ZDBF2: variants seen among roughly 807,000 people sequenced by gnomAD.
ZDBF2 encodes the protein zinc finger DBF-type containing 2, also known as DBF4-type zinc finger-containing protein 2.
In ZDBF2, 6 loss-of-function variants were observed where a neutral mutation model predicts 9.4. That is an observed-to-expected ratio of 0.64 (90% CI 0.35 to 1.27). ZDBF2 has a LOEUF of 1.27. Ranked by LOEUF, ZDBF2 falls within the 50% of genes most tolerant of loss-of-function variation. The pLI, the probability that ZDBF2 is intolerant of heterozygous loss-of-function variation, is 0.03. For synonymous variants in ZDBF2, 905 were observed against 946.3 expected (o/e 0.96, Z 0.80); for missense variants, 2,697 against 2,766.8 (o/e 0.97, Z 0.57).
chr2:206,282,842 C>G (rs537676414), intron 3 of ZDBF2, among the ~76,000 whole-genome samples: 1 of 152,130 alleles, frequency 6.6e-6, no homozygotes, highest in Non-Finnish European at 1.5e-5. Flanking sequence ...AAAAGGAAAC[C>G]CTGTACGCAC....
chr2:206,286,019 T>C (rs1691581938), intron 3 of ZDBF2, among the ~76,000 whole-genome samples: 1 of 152,234 alleles, frequency 6.6e-6, no homozygotes, highest in African/African-American at 2.4e-5. Flanking sequence ...TTTTCAGAAG[T>C]TCCTCTTGTT....
intron 1 of ZDBF2, among the ~76,000 whole-genome samples, chr2:206,276,870 C>T (rs1246530139): frequency 3.9e-5 from 6 of 152,142 alleles, no homozygotes; most frequent in African/African-American, 9.7e-5. Context: ...TAGGATAATG[C>T]TTGTCACCAG....
chr2:206,310,505 C>T lies in ZDBF2; in HGVS notation c.5977C>T (p.Pro1993Ser), dbSNP rs777833817. The T allele has an allele frequency of 6.2e-7, 1 of 1,613,436 alleles. No individual in the cohort carries two copies. The highest frequency in any genetic ancestry group is 1.7e-5 in the Admixed American group (1 of 59,880). Residue 1993 changes from proline to serine, a missense_variant, in exon 5 of 5, where the codon CCT (proline) becomes TCT (serine). Physicochemically the swap from Pro to Ser is moderately conservative, Grantham distance 74. Around this residue, in one of 3 missense-constraint regions of ZDBF2, gnomAD observed 1,783 missense variants for 1,776.5 expected, o/e 1.00. Coordinates refer to ENST00000374423, the MANE Select transcript of ZDBF2 (RefSeq NM_020923.3). The part of the protein sequence containing the change: ...KKVKIGTVEF[P>S]ASCTKVLKPM... ...AGTCAAAATTGGGACAGTTGAATTT[C>T]CTGCATCATGTACTAAAGTTTTGAA... is the stretch of plus-strand genomic sequence containing the variant.
chr2:206,296,212 T>A (rs1692169800), intron 3 of ZDBF2, among the ~76,000 whole-genome samples: 1 of 152,176 alleles, frequency 6.6e-6, no homozygotes, highest in Admixed American at 6.5e-5. Context: ...AAATATTAAA[T>A]GGAAAATTCC....
Position 206,305,308 on chromosome 2 carries a change from A to G in ZDBF2, c.780A>G (p.Lys260=), listed in dbSNP as rs1692719468. 1 of 1,612,478 alleles carries G rather than the reference A, an allele frequency of 6.2e-7. No individual in the cohort carries two copies. Among genetic ancestry groups the G allele is most frequent in the Non-Finnish European group, 8.5e-7 (1 of 1,179,270 alleles). ...SYQKHKESNR[K]SLRMNSDKLV... Reference sequence around the variant, plus strand: ...AGAAACATAAAGAATCAAATAGGAAATCTTTACGCATGAATTCAGATAAGT... The same window carrying G: ...AGAAACATAAAGAATCAAATAGGAAGTCTTTACGCATGAATTCAGATAAGT... The change falls in exon 5 of 5, where the codon AAA becomes AAG. Residue 260 remains lysine, a synonymous_variant. Coordinates refer to ENST00000374423, the MANE Select transcript of ZDBF2 (RefSeq NM_020923.3).
At position 206,308,005 on chromosome 2, in the gene ZDBF2, A is replaced by T. The variant is rs758741775; in HGVS notation, c.3477A>T (p.Glu1159Asp). The T allele has an allele frequency of 4.3e-6, 7 of 1,613,870 alleles. No homozygotes were observed. The South Asian group carries it at 7.7e-5, about 18-fold the overall frequency. The change falls in exon 5 of 5, where the codon GAA (glutamate) becomes GAT (aspartate). Residue 1159 changes from glutamate (E) to aspartate (D), a missense_variant. Transcript: ENST00000374423. ...EVKNSQYSCSEMNLDSGFLGQ... is the reference protein window; with the variant it reads ...EVKNSQYSCSDMNLDSGFLGQ... ...AGAACAGCCAATATAGTTGTTCAGA[A>T]ATGAATTTGGATTCTGGTTTCTTGG... is the stretch of plus-strand genomic sequence containing the variant.
intron 4 of ZDBF2, among the ~76,000 whole-genome samples, chr2:206,298,216 A>T (rs1024345582): frequency 6.6e-5 from 10 of 152,226 alleles, no homozygotes; most frequent in Non-Finnish European, 1.3e-4. Flanking sequence ...TTAAGAGTTA[A>T]TGCCCTATGT....
At chr2:206,275,418 C>T (rs907856999) in intron 1 of ZDBF2, among the ~76,000 whole-genome samples, 6 of 152,056 alleles carry the variant, frequency 3.9e-5, no homozygotes, top group African/African-American at 1.2e-4. Context: ...CTAGGCCTTT[C>T]CCAGCCTCGG....
intron 1 of ZDBF2, among the ~76,000 whole-genome samples, chr2:206,277,031 G>C (rs1029688850): frequency 2.0e-5 from 3 of 152,212 alleles, no homozygotes; most frequent in Non-Finnish European, 4.4e-5. Flanking sequence ...CCTACTGCTG[G>C]ACGGAAAATT....
In ZDBF2 at chr2:206,307,970, T is replaced by G; in HGVS notation, c.3442T>G (p.Leu1148Val). ...CCTTGGGAATGAAAACCATATGTAC[T>G]TGGAAGTTAAGAACAGCCAATATAG... ...VNLGNENHMYLEVKNSQYSCS... is the reference protein window; with the variant it reads ...VNLGNENHMYVEVKNSQYSCS... Residue 1148 changes from leucine (L) to valine (V), a missense_variant, in exon 5 of 5, where the codon TTG becomes GTG. Coordinates refer to ENST00000374423, the MANE Select transcript of ZDBF2 (RefSeq NM_020923.3). 1 of 1,613,746 alleles carries G rather than the reference T, an allele frequency of 6.2e-7. No individual in the cohort carries two copies. The highest frequency in any genetic ancestry group is 8.5e-7 in the Non-Finnish European group (1 of 1,179,804).
In ZDBF2 at chr2:206,306,599, G is replaced by T. The variant is rs1692814738; in HGVS notation, c.2071G>T (p.Asp691Tyr). The T allele has an allele frequency of 1.7e-5, 27 of 1,613,674 alleles. No individual in the cohort carries two copies. The highest frequency in any genetic ancestry group is 1.6e-4 in the Middle Eastern group (1 of 6,062). ...QVAEIERQKV[D>Y]VDLENKSVQS... is the part of the protein sequence containing the mutation. Reference sequence around the variant, plus strand: ...AGCCGAAATAGAGCGTCAGAAAGTGGATGTTGACCTTGAGAATAAGAGTGT... The same window carrying T: ...AGCCGAAATAGAGCGTCAGAAAGTGTATGTTGACCTTGAGAATAAGAGTGT... Residue 691 changes from aspartate to tyrosine, a missense_variant, in exon 5 of 5, where the codon GAT becomes TAT. Coordinates refer to ENST00000374423, the MANE Select transcript of ZDBF2 (RefSeq NM_020923.3).
chr2:206,277,779 CAAAA>C (rs890129331), intron 1 of ZDBF2, among the ~76,000 whole-genome samples: 3 of 140,576 alleles, frequency 2.1e-5, no homozygotes, highest in South Asian at 2.3e-4. Flanking sequence ...ACCAATGAAA[CAAAA>C]AAGCCCCATT....
Position 206,305,025 on chromosome 2 carries a change from A to G in ZDBF2, c.497A>G (p.Asp166Gly). ...AGTGTGAGAAAATGTAACCTAGTAG[A>G]TATTGGTCAGGCTACAAATAATAGA... ...GASVRKCNLV[D>G]IGQATNNRSN... Residue 166 changes from aspartate (D) to glycine (G), a missense_variant, in exon 5 of 5, where the codon GAT (aspartate) becomes GGT (glycine). Coordinates refer to ENST00000374423, the MANE Select transcript of ZDBF2 (RefSeq NM_020923.3). 6.2e-7 allele frequency: 1 copy of G among 1,613,744 alleles called. No homozygotes were observed. Among genetic ancestry groups the G allele is most frequent in the Non-Finnish European group, 8.5e-7 (1 of 1,179,790 alleles).
intron 3 of ZDBF2, among the ~76,000 whole-genome samples, chr2:206,296,301 C>T (rs573593995): frequency 6.6e-6 from 1 of 152,332 alleles, no homozygotes; most frequent in African/African-American, 2.4e-5. Context: ...TTGTCCCACT[C>T]AGGACATGAA....
intron 4 of ZDBF2, among the ~76,000 whole-genome samples, chr2:206,301,099 A>G (rs1295794646): frequency 6.6e-6 from 1 of 151,888 alleles, no homozygotes; most frequent in Admixed American, 6.6e-5. Flanking sequence ...CATATTATCT[A>G]TTTTCAGGTA....
chr2:206,291,938 C>T (rs568927079), intron 3 of ZDBF2: 61 of 394,662 alleles, frequency 1.5e-4, no homozygotes, highest in East Asian at 2.5e-4. Flanking sequence ...CTACTCAATA[C>T]GTATATCTTT....
At chr2:206,284,421 T>C (rs1473695959) in intron 3 of ZDBF2, among the ~76,000 whole-genome samples, 1 of 152,204 alleles carries the variant, frequency 6.6e-6, no homozygotes, top group African/African-American at 2.4e-5. Flanking sequence ...CCTCAAACTT[T>C]TATCATTTCT....
Position 206,310,239 on chromosome 2 carries a change from C to T in ZDBF2, c.5711C>T (p.Ser1904Leu). 1 of 1,613,916 alleles carries T rather than the reference C, an allele frequency of 6.2e-7. No homozygotes were observed. Among genetic ancestry groups the T allele is most frequent in the Non-Finnish European group, 8.5e-7 (1 of 1,179,888 alleles). ...SESDDIVCGI[S>L]DIDDLSVALD... The stretch of plus-strand genomic sequence containing the variant: ...AGTGATGATATTGTCTGTGGTATTT[C>T]AGATATTGATGACTTGTCAGTGGCC... Residue 1904 changes from serine to leucine, a missense_variant, in exon 5 of 5, where the codon TCA becomes TTA. Physicochemically the swap from Ser to Leu is moderately radical, Grantham distance 145. Coordinates refer to ENST00000374423, the MANE Select transcript of ZDBF2 (RefSeq NM_020923.3).
At position 206,292,289 on chromosome 2, in the gene ZDBF2, G is replaced by A. The variant is rs192777650; in HGVS notation, c.61-4957G>A. 1.2e-4 allele frequency among the ~76,000 whole-genome samples: 19 copies of A among 152,264 alleles called. No individual in the cohort carries two copies. The East Asian group carries it at 3.7e-3, about 29-fold the overall frequency. On this transcript the variant is annotated intron_variant, in intron 3 of 4. Coordinates refer to ENST00000374423, the MANE Select transcript of ZDBF2 (RefSeq NM_020923.3). ...CGTTGACAGTTCAGGGTTGCTCATT[G>A]TAATCTCTTACCAAAATAGACTATG...
Sources: gnomAD v4.1 joint callset for allele counts (sites outside exome capture counted in the v4.1 genomes callset) on GRCh38, gnomAD v4.1.1 for gene constraint, gnomAD v4.1.1 regional missense constraint, MANE v1.5 for transcripts, NCBI Gene and HGNC (gene_info 2026-07-23, HGNC 2026-07-21) for gene names.